The following NELL1 variants were observed in gnomAD, a reference collection of about 807,000 sequenced individuals.
NELL1 encodes the protein protein kinase C-binding protein NELL1.
NELL1 carries 76 observed loss-of-function variants against 107.4 expected under a neutral mutation model. The observed-to-expected ratio is 0.71, with a 90% CI of 0.59 to 0.86. NELL1 has a LOEUF of 0.86. Ranked by LOEUF, NELL1 falls within the 40% of genes least tolerant of loss-of-function variation. The probability of loss-of-function intolerance (pLI) is 0.00; values close to 1 mark genes in which losing one functional copy is unlikely to be tolerated. For synonymous variants in NELL1, 353 were observed against 341.2 expected (o/e 1.03, Z -0.38); for missense variants, 1,024 against 1,005.5 (o/e 1.02, Z -0.25).
intron 12 of NELL1, among the ~76,000 whole-genome samples, chr11:20,994,289 A>G (rs989370584): frequency 9.2e-5 from 14 of 152,232 alleles, no homozygotes. Flanking sequence ...GAGTATTGTC[A>G]TGAAAAAACA....
chr11:21,065,670 A>C (rs769026376), intron 12 of NELL1, among the ~76,000 whole-genome samples: 12 of 152,208 alleles, frequency 7.9e-5, no homozygotes, highest in Non-Finnish European at 1.6e-4. Context: ...AATAATTCTA[A>C]GGGGACACTG....
At chr11:21,167,278 C>G (rs1339728388) in intron 13 of NELL1, among the ~76,000 whole-genome samples, 1 of 151,812 alleles carries the variant, frequency 6.6e-6, no homozygotes, top group Non-Finnish European at 1.5e-5. Context: ...TCCTAAGAGA[C>G]AAGAGAGACT....
chr11:21,502,497 G>A (rs1402538246), intron 15 of NELL1, among the ~76,000 whole-genome samples: 3 of 152,136 alleles, frequency 2.0e-5, no homozygotes, highest in African/African-American at 4.8e-5. Flanking sequence ...ATTTACCCAT[G>A]GCCCTAAGGA....
At chr11:21,005,057 A>G (rs995376153) in intron 12 of NELL1, among the ~76,000 whole-genome samples, 3 of 152,150 alleles carry the variant, frequency 2.0e-5, no homozygotes, top group African/African-American at 7.2e-5. Context: ...TTAATTTCTT[A>G]TATTTGTTTT....
intron 17 of NELL1, among the ~76,000 whole-genome samples, chr11:21,563,553 TAAA>T (rs1210472982): frequency 6.6e-6 from 1 of 152,052 alleles, no homozygotes; most frequent in Non-Finnish European, 1.5e-5. Context: ...AAATTTAAAT[TAAA>T]AATATAAATA....
chr11:21,302,781 C>T (rs1359235709), intron 14 of NELL1, among the ~76,000 whole-genome samples: 1 of 151,778 alleles, frequency 6.6e-6, no homozygotes, highest in Non-Finnish European at 1.5e-5. Context: ...GGGGGCTAGG[C>T]ACAGTGATTC....
In NELL1 at chr11:21,115,717, A is replaced by T. The variant is rs372002526; in HGVS notation, c.1426+2003A>T. On this transcript the variant is annotated intron_variant, in intron 13 of 19. Transcript: ENST00000357134. ...TAAGTTCACATGGTGGACAACAGAA[A>T]GGATACCAGTGCATTTAGGATGTGG... is the stretch of plus-strand genomic sequence containing the variant. Among the ~76,000 whole-genome samples the T allele has an allele frequency of 9.2e-5, 14 of 152,070 alleles. No homozygotes were observed. The East Asian group carries it at 1.9e-3, about 21-fold the overall frequency.
At chr11:21,428,173 G>A (rs1420918317) in intron 15 of NELL1, among the ~76,000 whole-genome samples, 1 of 152,158 alleles carries the variant, frequency 6.6e-6, no homozygotes, top group Non-Finnish European at 1.5e-5. Flanking sequence ...TTATTTAAGA[G>A]GGAAGGAAGG....
At chr11:21,556,552 G>A (rs1054268712) in intron 16 of NELL1, among the ~76,000 whole-genome samples, 1 of 151,894 alleles carries the variant, frequency 6.6e-6, no homozygotes, top group Non-Finnish European at 1.5e-5. Flanking sequence ...GATTGCTGCT[G>A]TTATAAACAT....
At chr11:20,803,286 A>G (rs1217267871) in intron 3 of NELL1, among the ~76,000 whole-genome samples, 1 of 152,044 alleles carries the variant, frequency 6.6e-6, no homozygotes, top group Non-Finnish European at 1.5e-5. Context: ...TCATGGTTCA[A>G]TCTTGGGAGG....
At chr11:20,797,100 T>C (rs1469586899) in intron 3 of NELL1, among the ~76,000 whole-genome samples, 1 of 152,032 alleles carries the variant, frequency 6.6e-6, no homozygotes, top group African/African-American at 2.4e-5. Context: ...AGATTGTGAA[T>C]AGGTTTGTAA....
intron 7 of NELL1, among the ~76,000 whole-genome samples, chr11:20,925,351 G>A (rs1850470722): frequency 6.6e-6 from 1 of 151,790 alleles, no homozygotes; most frequent in South Asian, 2.1e-4. Context: ...CATGATCTTG[G>A]CCTGCTGCAA....
At chr11:21,073,558 T>C (rs1854065932) in intron 12 of NELL1, among the ~76,000 whole-genome samples, 1 of 152,182 alleles carries the variant, frequency 6.6e-6, no homozygotes. Context: ...GGGCAAGACC[T>C]TGATGCTTAA....
At chr11:21,562,431 G>A (rs986100710) in intron 17 of NELL1, among the ~76,000 whole-genome samples, 7 of 151,850 alleles carry the variant, frequency 4.6e-5, no homozygotes, top group African/African-American at 1.5e-4. Flanking sequence ...GTTTGTTTGT[G>A]TTCTACATGT....
chr11:20,726,922 G>T (rs1181090318), intron 2 of NELL1, among the ~76,000 whole-genome samples: 2 of 152,162 alleles, frequency 1.3e-5, no homozygotes, highest in Non-Finnish European at 2.9e-5. Flanking sequence ...CAAAGGACAT[G>T]AACTCATCTT....
intron 14 of NELL1, among the ~76,000 whole-genome samples, chr11:21,231,620 T>A (rs1291223201): frequency 1.3e-5 from 2 of 152,172 alleles, no homozygotes; most frequent in African/African-American, 4.8e-5. Flanking sequence ...TTAATTGCCC[T>A]TGTCCAGTGA....
intron 15 of NELL1, among the ~76,000 whole-genome samples, chr11:21,475,443 T>C (rs915100726): frequency 2.6e-5 from 4 of 152,170 alleles, no homozygotes; most frequent in Non-Finnish European, 5.9e-5. Flanking sequence ...ACATAACTTA[T>C]AGTGCCCCCT....
chr11:20,779,039 G>C (rs1324751860), intron 2 of NELL1, among the ~76,000 whole-genome samples: 2 of 152,092 alleles, frequency 1.3e-5, no homozygotes, highest in Non-Finnish European at 2.9e-5. Context: ...GAAAAGGGAG[G>C]GGGCTCAGCA....
intron 14 of NELL1, among the ~76,000 whole-genome samples, chr11:21,365,718 T>C (rs1945404): frequency 0.63 from 95,330 of 151,760 alleles, 30,103 homozygotes; most frequent in African/African-American, 0.67. Flanking sequence ...AAGCAAGTAT[T>C]GTAGACTTCT....
Sources: allele counts gnomAD v4.1 joint callset (sites outside exome capture counted in the v4.1 genomes callset), GRCh38; gene constraint gnomAD v4.1.1; transcripts MANE v1.5; gene names NCBI Gene and HGNC (gene_info 2026-07-23, HGNC 2026-07-21).